Variants in HPCAL1 observed in about 807,000 individuals in gnomAD.
HPCAL1 encodes the protein hippocalcin like 1.
Under a neutral mutation model 17.1 loss-of-function variants are expected in HPCAL1, and 8 were observed. That is an observed-to-expected ratio of 0.47 (90% CI 0.27 to 0.84). HPCAL1 has a LOEUF of 0.84. Among genes scored for constraint, HPCAL1 ranks in the 40% least tolerant of loss-of-function variants. The pLI is 0.13. For missense variants in HPCAL1, 165 were observed against 271.1 expected (o/e 0.61, Z 2.75); for synonymous variants, 112 against 111.4 (o/e 1.01, Z -0.03).
chr2:10,303,413 G>A (rs1394988278), intron 1 of HPCAL1, among the ~76,000 whole-genome samples: 4 of 152,206 alleles, frequency 2.6e-5, no homozygotes, highest in Non-Finnish European at 5.9e-5. Context: ...CCTTAGGTGT[G>A]CACATTTTGG....
At chr2:10,336,843 C>G (rs1317762907) in intron 1 of HPCAL1, among the ~76,000 whole-genome samples, 5 of 152,198 alleles carry the variant, frequency 3.3e-5, no homozygotes, top group Admixed American at 2.6e-4. Flanking sequence ...ATCATGGGCA[C>G]AAGTGGTCCT....
chr2:10,422,900 G>T (rs765585926), intron 3 of HPCAL1, 83 bp from the exon 4 acceptor site: 5 of 950,120 alleles, frequency 5.3e-6, no homozygotes, highest in Non-Finnish European at 8.3e-6. Context: ...GAGCCTTGTT[G>T]TGGGCTGGGC....
chr2:10,410,491 G>T (rs1670291462), intron 2 of HPCAL1, among the ~76,000 whole-genome samples: 1 of 135,028 alleles, frequency 7.4e-6, no homozygotes, highest in Non-Finnish European at 1.5e-5. Flanking sequence ...ACAATAGCAG[G>T]GTAACTGAGA....
chr2:10,339,399 G>A (rs565680901), intron 1 of HPCAL1, among the ~76,000 whole-genome samples: 11 of 151,942 alleles, frequency 7.2e-5, no homozygotes, highest in South Asian at 4.1e-4. Context: ...TCCGCCTCCC[G>A]GGTTTAAGCA....
At chr2:10,346,511 T>C (rs148381694) in intron 1 of HPCAL1, among the ~76,000 whole-genome samples, 75 of 152,334 alleles carry the variant, frequency 4.9e-4, no homozygotes, top group Non-Finnish European at 9.7e-4. Flanking sequence ...CTTAAAGAGA[T>C]GTTTAACCCT....
At chr2:10,370,090 C>G (rs1480398818) in intron 1 of HPCAL1, among the ~76,000 whole-genome samples, 1 of 152,246 alleles carries the variant, frequency 6.6e-6, no homozygotes, top group Non-Finnish European at 1.5e-5. Flanking sequence ...CAAGTGGAGT[C>G]TCCGCATTCC....
intron 1 of HPCAL1, among the ~76,000 whole-genome samples, chr2:10,386,572 GGA>G (rs1410775354): frequency 6.6e-6 from 1 of 152,140 alleles, no homozygotes; most frequent in Non-Finnish European, 1.5e-5. Context: ...TGGCAGTGTG[GGA>G]GAGTCTCAAA....
At chr2:10,308,438 G>A (rs985284628) in intron 1 of HPCAL1, among the ~76,000 whole-genome samples, 2 of 152,054 alleles carry the variant, frequency 1.3e-5, no homozygotes, top group Admixed American at 1.3e-4. Flanking sequence ...TCCTCAAGCC[G>A]CCAGTCCCCC....
chr2:10,363,655 C>T lies in HPCAL1; in HGVS notation c.-110-33180C>T, dbSNP rs139968728. On this transcript the variant is annotated intron_variant, in intron 1 of 4. Coordinates refer to ENST00000307845, the MANE Select transcript of HPCAL1 (RefSeq NM_002149.4). The surrounding 1 kb of genome is among the most constrained non-coding windows in gnomAD (Gnocchi z 4.7). ...CTGGGTCATCCCAGACCTGCTGAAG[C>T]CAAATCTTTAGGGTGGGGCCAGGAA... 8.7e-4 allele frequency among the ~76,000 whole-genome samples: 132 copies of T among 152,274 alleles called. No homozygotes were observed. The highest frequency in any genetic ancestry group is 3.1e-3 in the African/African-American group (127 of 41,546).
intron 1 of HPCAL1, among the ~76,000 whole-genome samples, chr2:10,327,975 AGT>A (rs1016057897): frequency 1.1e-4 from 17 of 152,350 alleles, no homozygotes; most frequent in African/African-American, 4.1e-4. Context: ...AGATTTAGTA[AGT>A]GTAAAAGACT....
intron 1 of HPCAL1, among the ~76,000 whole-genome samples, chr2:10,318,926 C>G (rs972583467): frequency 9.8e-5 from 15 of 152,312 alleles, no homozygotes; most frequent in Non-Finnish European, 2.1e-4. Flanking sequence ...TCTGCCGGGA[C>G]CACTGCCATG....
chr2:10,421,207 C>T (rs757700585), intron 3 of HPCAL1, among the ~76,000 whole-genome samples: 20 of 152,246 alleles, frequency 1.3e-4, no homozygotes, highest in Non-Finnish European at 2.2e-4. Flanking sequence ...TTAACGATCA[C>T]GAGAATCAGC....
intron 2 of HPCAL1, among the ~76,000 whole-genome samples, chr2:10,412,276 T>C (rs1670405235): frequency 6.6e-6 from 1 of 152,244 alleles, no homozygotes; most frequent in African/African-American, 2.4e-5. Flanking sequence ...AGGGAACGAC[T>C]TTCCTCCTGC....
Position 10,395,986 on chromosome 2 carries a change from G to C in HPCAL1, c.-110-849G>C, listed in dbSNP as rs1668999091. ...CACGGAGGAGGAGTCACCAATCCAT[G>C]CCCGGGGAGCAGGCAGAGAAGAGGG... On this transcript the variant is annotated intron_variant, in intron 1 of 4. Transcript: ENST00000307845. This position sits in a 1 kb window ranked among gnomAD's most constrained non-coding sequence, Gnocchi z 4.4. 3.3e-5 allele frequency among the ~76,000 whole-genome samples: 5 copies of C among 152,324 alleles called. No homozygotes were observed. The highest frequency in any genetic ancestry group is 3.3e-4 in the Admixed American group (5 of 15,298).
chr2:10,339,573 T>C (rs879463764), intron 1 of HPCAL1, among the ~76,000 whole-genome samples: 2 of 152,252 alleles, frequency 1.3e-5, no homozygotes, highest in Non-Finnish European at 2.9e-5. Context: ...GGTCTTCAAC[T>C]CCTGACCTCA....
At chr2:10,368,216 T>G (rs1666974080) in intron 1 of HPCAL1, among the ~76,000 whole-genome samples, 1 of 150,498 alleles carries the variant, frequency 6.6e-6, no homozygotes, top group Non-Finnish European at 1.5e-5. Flanking sequence ...TGTAGGGGTG[T>G]GCGTGTGTAC....
At chr2:10,410,983 G>T (rs543906673) in intron 2 of HPCAL1, among the ~76,000 whole-genome samples, 3 of 152,012 alleles carry the variant, frequency 2.0e-5, no homozygotes, top group African/African-American at 7.2e-5. Flanking sequence ...CAGCCTCCAG[G>T]AGAGAGCTAA....
rs796381661 is a variant in HPCAL1, at chr2:10,330,808, G to A, written c.-111+27631G>A. On this transcript the variant is annotated intron_variant, in intron 1 of 4. Coordinates refer to ENST00000307845, the MANE Select transcript of HPCAL1 (RefSeq NM_002149.4). The surrounding 1 kb of genome is among the most constrained non-coding windows in gnomAD (Gnocchi z 4.2). ...CCACGTTAACTCACTTCCTGCCCAC[G>A]GCAGGGGCTCTCTGTCAGTGTGTCT... Among the ~76,000 whole-genome samples the A allele has an allele frequency of 4.5e-4, 68 of 152,298 alleles. No individual in the cohort carries two copies. Among genetic ancestry groups the A allele is most frequent in the African/African-American group, 1.1e-3 (47 of 41,582 alleles).
rs1553353473 is a variant in HPCAL1 at position 10,384,029 on chromosome 2, C to CACCCACA, written c.-110-12806_-110-12805insACCCACA. ...ATATACATCGCGTACACACACACAC[C>CACCCACA]CACACACACACACACCTTTTGCTGG... On this transcript the variant is annotated intron_variant, in intron 1 of 4. Coordinates refer to ENST00000307845, the MANE Select transcript of HPCAL1 (RefSeq NM_002149.4). This position sits in a 1 kb window ranked among gnomAD's most constrained non-coding sequence, Gnocchi z 4.4. 6.7e-6 allele frequency among the ~76,000 whole-genome samples: 1 copy of CACCCACA among 149,862 alleles called. No individual in the cohort carries two copies. The highest frequency in any genetic ancestry group is 2.1e-4 in the South Asian group (1 of 4,744).
Sources: gnomAD v4.1 joint callset for allele counts (sites outside exome capture counted in the v4.1 genomes callset) on GRCh38, gnomAD v4.1.1 for gene constraint, Gnocchi (gnomAD v3.1) non-coding constraint, MANE v1.5 for transcripts, NCBI Gene and HGNC (gene_info 2026-07-23, HGNC 2026-07-21) for gene names.